STARD8: variants seen among roughly 807,000 people sequenced by gnomAD.
STARD8 encodes the protein stAR-related lipid transfer protein 8.
Under a neutral mutation model 69.4 loss-of-function variants are expected in STARD8, and 25 were observed. The observed-to-expected ratio is 0.36, with a 90% CI of 0.26 to 0.50. STARD8 has a LOEUF of 0.50. STARD8 is among the 20% of genes least tolerant of loss of function. The pLI is 0.96. For synonymous variants in STARD8, 389 were observed against 374.6 expected (o/e 1.04, Z -0.45); for missense variants, 921 against 932.5 (o/e 0.99, Z 0.16).
intron 2 of STARD8, among the ~76,000 whole-genome samples, chrX:68,685,690 G>C (rs1034519823): frequency 8.9e-6 from 1 of 112,815 alleles, no homozygotes; most frequent in Non-Finnish European, 1.9e-5. Flanking sequence ...CGGCCTAGAT[G>C]ATGGCCAAGT....
Position 68,720,914 on chromosome X carries a change from C to A in STARD8, c.2050-10C>A, listed in dbSNP as rs952960501. 7.5e-6 allele frequency: 9 copies of A among 1,205,303 alleles called. No homozygotes were observed. The African/African-American group carries it at 1.2e-4, about 16-fold the overall frequency. On this transcript the variant is annotated splice_polypyrimidine_tract_variant and intron_variant, in intron 8 of 14. Coordinates refer to ENST00000374599, the MANE Select transcript of STARD8 (RefSeq NM_001142503.3). ...TTTTCCTCACTCCCTCCCTCCCCTG[C>A]ATGGAGTAGGTAGGCATCTTCCGCA...
chrX:68,722,572 C>T lies in STARD8; in HGVS notation c.2725C>T (p.Arg909Cys), dbSNP rs747097987. The change falls in exon 12 of 15, where the codon CGT becomes TGT. Residue 909 changes from arginine to cysteine, a missense_variant. By Grantham distance (180) the Arg-to-Cys change is radical (BLOSUM62 -3). Transcript: ENST00000374599. Reference protein sequence around the residue: ...YMEENIQDLLRDAAERFKGWM... With the variant: ...YMEENIQDLLCDAAERFKGWM... ...GGAAGAGAATATCCAGGACCTGCTG[C>T]GTGATGCTGCTGAGCGCTTCAAGGG... The T allele has an allele frequency of 1.1e-5, 13 of 1,212,017 alleles. No homozygotes were observed. Among genetic ancestry groups the T allele is most frequent in the South Asian group, 3.5e-5 (2 of 57,027 alleles).
chrX:68,652,251 C>A (rs1440721861), intron 1 of STARD8, among the ~76,000 whole-genome samples: 1 of 111,255 alleles, frequency 9.0e-6, no homozygotes, highest in African/African-American at 3.3e-5. Context: ...AGAGGCACCA[C>A]AGCAAAGAAT....
intron 2 of STARD8, among the ~76,000 whole-genome samples, chrX:68,670,680 C>T (rs1283597744): frequency 9.0e-6 from 1 of 111,200 alleles, no homozygotes; most frequent in Non-Finnish European, 1.9e-5. Context: ...GGAAGTGCTA[C>T]TGGACACTTC....
chrX:68,721,009 A>T lies in STARD8; in HGVS notation c.2135A>T (p.Tyr712Phe), dbSNP rs1467071101. 8.3e-7 allele frequency: 1 copy of T among 1,211,912 alleles called. No individual in the cohort carries two copies. Among genetic ancestry groups the T allele is most frequent in the African/African-American group, 1.7e-5 (1 of 57,829 alleles). ...MNETSPDNVC[Y>F]EGQSAYDVAD... ...GAGACCTCGCCTGACAATGTCTGCT[A>T]CGAGGGCCAGTCAGCCTACGACGTG... Residue 712 changes from tyrosine (Y) to phenylalanine (F), a missense_variant, in exon 9 of 15, where the codon TAC becomes TTC. Transcript: ENST00000374599.
At chrX:68,707,805 G>A (rs373648852) in intron 2 of STARD8, among the ~76,000 whole-genome samples, 1 of 111,591 alleles carries the variant, frequency 9.0e-6, no homozygotes, top group African/African-American at 3.3e-5. Context: ...GCTGAACCCA[G>A]GACCGGGCAG....
At position 68,703,217 on chromosome X, in the gene STARD8, G is replaced by A. The variant is rs758928568; in HGVS notation, c.80-9697G>A. Among the ~76,000 whole-genome samples, 163 of 112,322 alleles carry A rather than the reference G, an allele frequency of 1.5e-3. 4 individuals carry two copies. The Admixed American group carries it at 0.015, about 10-fold the overall frequency. On this transcript the variant is annotated intron_variant, in intron 2 of 14. Coordinates refer to ENST00000374599, the MANE Select transcript of STARD8 (RefSeq NM_001142503.3). ...CGAGGCTGCAGTGAGCTGTGATTGTGCTACTACACTCCAGCCCTGGTGACA... is the reference window on the plus strand; with the variant it reads ...CGAGGCTGCAGTGAGCTGTGATTGTACTACTACACTCCAGCCCTGGTGACA...
intron 2 of STARD8, among the ~76,000 whole-genome samples, chrX:68,668,103 T>TTCTTTCTG (rs1556021522): frequency 4.2e-4 from 43 of 101,876 alleles, no homozygotes; most frequent in African/African-American, 1.6e-3. Context: ...CTTTCTTTCT[T>TTCTTTCTG]TCTTTCTTTC....
At chrX:68,697,614 A>T (rs974424634) in intron 2 of STARD8, among the ~76,000 whole-genome samples, 5 of 112,500 alleles carry the variant, frequency 4.4e-5, no homozygotes, top group Admixed American at 3.7e-4. Flanking sequence ...GCAAAACAGG[A>T]TGCATTCAGG....
At position 68,718,186 on chromosome X, in the gene STARD8, T is replaced by C. The variant is rs1344484276; in HGVS notation, c.1272T>C (p.Thr424=). The C allele has an allele frequency of 8.3e-7, 1 of 1,209,879 alleles. No individual in the cohort carries two copies. Among genetic ancestry groups the C allele is most frequent in the Non-Finnish European group, 1.1e-6 (1 of 895,139 alleles). Residue 424 remains threonine (T), a synonymous_variant, in exon 6 of 15, where the codon ACT becomes ACC. Coordinates refer to ENST00000374599, the MANE Select transcript of STARD8 (RefSeq NM_001142503.3). The part of the protein sequence containing the change: ...GPGDEEEEEA[T]SSVEIATVEV... ...GAGATGAGGAAGAGGAGGAGGCCAC[T>C]TCATCAGTAGAAATAGCCACAGTTG...
intron 1 of STARD8, among the ~76,000 whole-genome samples, chrX:68,652,593 A>G (rs1427003938): frequency 9.0e-6 from 1 of 111,033 alleles, no homozygotes; most frequent in Non-Finnish European, 1.9e-5. Flanking sequence ...GAAGGCATCC[A>G]TGGCCCCTTG....
intron 2 of STARD8, among the ~76,000 whole-genome samples, chrX:68,701,399 G>A (rs1474454087): frequency 8.9e-6 from 1 of 112,749 alleles, no homozygotes; most frequent in Non-Finnish European, 1.9e-5. Context: ...TAATGACTGG[G>A]CCATGCCTCT....
In STARD8 at chrX:68,724,642, C is replaced by A. The variant is rs182251074; in HGVS notation, c.*220C>A. The A allele has an allele frequency of 3.3e-3, 1,209 of 370,409 alleles. 1 individual carries two copies. Among genetic ancestry groups the A allele is most frequent in the Admixed American group, 5.6e-3 (120 of 21,420 alleles). 30.5% of individuals were successfully genotyped at this position (370,409 alleles called of 1,213,427 possible). On this transcript the variant is annotated 3_prime_UTR_variant, in exon 15 of 15. Transcript: ENST00000374599. ...ACTCCACTCCCCCTTCACCCCCAAC[C>A]CTGTATTCTACTCTCCCGAAAAGAG...
At chrX:68,658,999 C>T (rs1157085874) in intron 1 of STARD8, among the ~76,000 whole-genome samples, 1 of 112,025 alleles carries the variant, frequency 8.9e-6, no homozygotes, top group African/African-American at 3.3e-5. Context: ...GGGTTGGTTG[C>T]CTTCTGGGAG....
Position 68,666,255 on chromosome X carries a change from T to C in STARD8, c.79+723T>C, listed in dbSNP as rs968021771. The stretch of plus-strand genomic sequence containing the variant: ...AGTTTGGTGCTGGAGCCTGAACTCC[T>C]GGTATCAGCTGGGCTTTGCTAAGGT... On this transcript the variant is annotated intron_variant, in intron 2 of 14. Coordinates refer to ENST00000374599, the MANE Select transcript of STARD8 (RefSeq NM_001142503.3). Among the ~76,000 whole-genome samples, 4 of 112,159 alleles carry C rather than the reference T, an allele frequency of 3.6e-5. No homozygotes were observed. The Admixed American group carries it at 3.8e-4, about 11-fold the overall frequency.
Position 68,720,377 on chromosome X carries a change from G to A in STARD8, c.2003G>A (p.Ser668Asn). 3.3e-6 allele frequency: 4 copies of A among 1,203,400 alleles called. No individual in the cohort carries two copies. Among genetic ancestry groups the A allele is most frequent in the Non-Finnish European group, 4.5e-6 (4 of 891,220 alleles). Residue 668 changes from serine (S) to asparagine (N), a missense_variant, in exon 8 of 15, where the codon AGC becomes AAC. Ser to Asn is a conservative substitution (Grantham distance 46). Transcript: ENST00000374599. ...CGCACGGGCCAGCCACTGCCACAGA[G>A]CATTCAGCAAGCCATGCGCTACTTG... The part of the protein sequence containing the change: ...VQRTGQPLPQ[S>N]IQQAMRYLRS...
At chrX:68,685,602 A>C (rs139682634) in intron 2 of STARD8, among the ~76,000 whole-genome samples, 327 of 112,678 alleles carry the variant, frequency 2.9e-3, no homozygotes, top group African/African-American at 0.01. Flanking sequence ...TTCTTAATGA[A>C]GTCTATACTC....
chrX:68,662,277 G>A (rs1390076235), intron 1 of STARD8, among the ~76,000 whole-genome samples: 1 of 110,762 alleles, frequency 9.0e-6, no homozygotes, highest in African/African-American at 3.3e-5. Context: ...CCAAAGTGCT[G>A]GGAGGCCACT....
chrX:68,673,455 C>T (rs769836566), intron 2 of STARD8, among the ~76,000 whole-genome samples: 18 of 111,873 alleles, frequency 1.6e-4, no homozygotes, highest in Non-Finnish European at 3.0e-4. Context: ...GCTTTTTCCT[C>T]CCTCAGCTGT....
Sources: allele counts gnomAD v4.1 joint callset (sites outside exome capture counted in the v4.1 genomes callset), GRCh38; gene constraint gnomAD v4.1.1; transcripts MANE v1.5; gene names NCBI Gene and HGNC (gene_info 2026-07-23, HGNC 2026-07-21).